Variants in METTL15 observed in about 807,000 individuals in gnomAD.
METTL15 encodes the protein 12S rRNA N(4)-cytidine methyltransferase METTL15.
Under a neutral mutation model 38.3 loss-of-function variants are expected in METTL15, and 34 were observed. The observed-to-expected ratio is 0.89, with a 90% CI of 0.68 to 1.18. METTL15 has a LOEUF of 1.18. METTL15 is among the 50% of genes most tolerant of loss of function. METTL15 has a pLI of 0.00. For missense variants in METTL15, 438 were observed against 498.4 expected (o/e 0.88, Z 1.15); for synonymous variants, 162 against 170.9 (o/e 0.95, Z 0.41).
intron 4 of METTL15, among the ~76,000 whole-genome samples, chr11:28,221,902 G>C (rs539484051): frequency 6.6e-6 from 1 of 152,132 alleles, no homozygotes; most frequent in Non-Finnish European, 1.5e-5. Flanking sequence ...CTGCCTGATC[G>C]TTCCTCTGGA....
intron 6 of METTL15, chr11:28,477,559 T>G (rs980624137): frequency 6.6e-6 from 1 of 152,180 alleles, no homozygotes; most frequent in African/African-American, 2.4e-5. Flanking sequence ...TGAATGGAAC[T>G]CTGTCTCACA....
chr11:28,472,360 C>T (rs1012236742), intron 6 of METTL15, among the ~76,000 whole-genome samples: 1 of 152,148 alleles, frequency 6.6e-6, no homozygotes, highest in Non-Finnish European at 1.5e-5. Context: ...ATTTACCCAA[C>T]ATGAATCCCT....
chr11:28,203,604 C>T (rs1417117010), intron 3 of METTL15, among the ~76,000 whole-genome samples: 1 of 151,972 alleles, frequency 6.6e-6, no homozygotes, highest in Admixed American at 6.6e-5. Flanking sequence ...TAGCTTTGCC[C>T]CAACTAGCGA....
chr11:28,265,798 G>A (rs1244005910), intron 4 of METTL15, among the ~76,000 whole-genome samples: 3 of 152,178 alleles, frequency 2.0e-5, no homozygotes, highest in African/African-American at 7.2e-5. Flanking sequence ...GATACTGGAT[G>A]TCTATAGAGA....
chr11:28,267,525 T>C (rs1008666650), intron 4 of METTL15, among the ~76,000 whole-genome samples: 5 of 152,242 alleles, frequency 3.3e-5, no homozygotes, highest in Non-Finnish European at 5.9e-5. Flanking sequence ...TTAAACTCTA[T>C]GATTTACTTA....
At chr11:28,338,962 A>T (rs1849925964) in intron 3 of METTL15, among the ~76,000 whole-genome samples, 1 of 152,176 alleles carries the variant, frequency 6.6e-6, no homozygotes, top group African/African-American at 2.4e-5. Context: ...CAGCATTTGT[A>T]GCTGCCAATT....
intron 5 of METTL15, among the ~76,000 whole-genome samples, chr11:28,372,608 C>CT (rs570340999): frequency 2.4e-4 from 35 of 146,684 alleles, no homozygotes; most frequent in African/African-American, 2.5e-4. Context: ...CCACATTATT[C>CT]TTTTTTTTTT....
At chr11:28,194,128 C>CTTTCTTTCTTTCTTTCTTTT in intron 3 of METTL15, among the ~76,000 whole-genome samples, 1 of 109,888 alleles carries the variant, frequency 9.1e-6, no homozygotes, top group Non-Finnish European at 1.9e-5. Context: ...GTTGATCTTT[C>CTTTCTTTCTTTCTTTCTTTT]TTTCTTTCTT....
intron 4 of METTL15, among the ~76,000 whole-genome samples, chr11:28,223,333 A>G (rs1853330458): frequency 6.6e-6 from 1 of 152,158 alleles, no homozygotes; most frequent in South Asian, 2.1e-4. Context: ...TATATAATTT[A>G]TTAATATCCA....
At chr11:28,398,957 T>C (rs1850602601) in intron 5 of METTL15, 1 of 151,994 alleles carries the variant, frequency 6.6e-6, no homozygotes, top group African/African-American at 2.4e-5. Context: ...ACTTTAAATT[T>C]CATATGGAAC....
At chr11:28,122,902 A>C (rs61889001) in intron 3 of METTL15, among the ~76,000 whole-genome samples, 109 of 152,144 alleles carry the variant, frequency 7.2e-4, no homozygotes, top group Admixed American at 1.6e-3. Flanking sequence ...TGCTACTAAA[A>C]TATAAGAATT....
At chr11:28,207,212 T>G (rs1378717735) in intron 3 of METTL15, among the ~76,000 whole-genome samples, 1 of 151,750 alleles carries the variant, frequency 6.6e-6, no homozygotes, top group Non-Finnish European at 1.5e-5. Context: ...TGCTTCCAGT[T>G]TTTGCACATT....
chr11:28,265,614 T>C (rs1855382752), intron 4 of METTL15, among the ~76,000 whole-genome samples: 1 of 152,044 alleles, frequency 6.6e-6, no homozygotes, highest in South Asian at 2.1e-4. Flanking sequence ...TCAGCATTTC[T>C]TCCTCAGTAT....
intron 5 of METTL15, among the ~76,000 whole-genome samples, chr11:28,372,371 A>G (rs1418349637): frequency 6.7e-6 from 1 of 148,656 alleles, no homozygotes; most frequent in Non-Finnish European, 1.5e-5. Flanking sequence ...GTTGAATTCA[A>G]TTTTCTTGGT....
intron 4 of METTL15, among the ~76,000 whole-genome samples, chr11:28,236,473 C>G (rs1310541092): frequency 1.3e-5 from 2 of 152,112 alleles, no homozygotes; most frequent in Admixed American, 6.5e-5. Context: ...TGTTTATTGC[C>G]ACAATTTCAG....
chr11:28,124,065 T>C (rs772225282), intron 3 of METTL15: 9 of 417,398 alleles, frequency 2.2e-5, no homozygotes, highest in Non-Finnish European at 3.4e-5. Flanking sequence ...CAAAGTATCA[T>C]GTCAGATATG....
chr11:28,207,660 A>C (rs905278742), intron 3 of METTL15, among the ~76,000 whole-genome samples: 4 of 152,074 alleles, frequency 2.6e-5, no homozygotes, highest in African/African-American at 7.2e-5. Context: ...TTTTCTATAG[A>C]TTGAAATAGT....
intron 3 of METTL15, among the ~76,000 whole-genome samples, chr11:28,141,113 A>T (rs1193936462): frequency 6.6e-6 from 1 of 152,208 alleles, no homozygotes; most frequent in Non-Finnish European, 1.5e-5. Context: ...GATATTTCTC[A>T]AATCTGCCTC....
At chr11:28,164,799 C>G (rs1850598775) in intron 3 of METTL15, among the ~76,000 whole-genome samples, 1 of 152,012 alleles carries the variant, frequency 6.6e-6, no homozygotes, top group African/African-American at 2.4e-5. Flanking sequence ...TTCTCAGAGA[C>G]TTATTCCTCC....
Sources: gnomAD v4.1 joint callset for allele counts (sites outside exome capture counted in the v4.1 genomes callset) on GRCh38, gnomAD v4.1.1 for gene constraint, MANE v1.5 for transcripts, NCBI Gene and HGNC (gene_info 2026-07-23, HGNC 2026-07-21) for gene names.